The following SMAD4 variants were observed in gnomAD, a reference collection of about 807,000 sequenced individuals.
SMAD4 encodes the protein MAD homolog 4.
SMAD4 carries 7 observed loss-of-function variants against 63.2 expected under a neutral mutation model. The observed-to-expected ratio is 0.11, with a 90% CI of 0.06 to 0.21. SMAD4 has a LOEUF of 0.21. Ranked by LOEUF, SMAD4 falls within the 10% of genes least tolerant of loss-of-function variation. The pLI is 1.00. For missense variants in SMAD4, 312 were observed against 693.8 expected, an observed-to-expected ratio of 0.45 and a Z score of 6.18; for synonymous variants, 215 against 235.4, an observed-to-expected ratio of 0.91 and a Z score of 0.79.
intron 2 of SMAD4, among the ~76,000 whole-genome samples, chr18:51,048,036 G>C (rs1909598348): frequency 6.6e-6 from 1 of 152,186 alleles, no homozygotes; most frequent in Non-Finnish European, 1.5e-5. Context: ...TTTTCAGGTA[G>C]AACTTCATAA....
Position 51,078,506 on chromosome 18 carries a change from G to T in SMAD4, c.*39G>T. 1 of 1,331,566 alleles carries T rather than the reference G, an allele frequency of 7.5e-7. No homozygotes were observed. The highest frequency in any genetic ancestry group is 1.1e-6 in the Non-Finnish European group (1 of 928,078). 82.5% of individuals were successfully genotyped at this position (1,331,566 alleles called of 1,614,324 possible). On this transcript the variant is annotated 3_prime_UTR_variant, in exon 12 of 12. Transcript: ENST00000342988. ...TGGGGCCCTTAACCTTATCAGGATGGTGGACTACAAAATACAATCCTGTTT... is the reference window on the plus strand; with the variant it reads ...TGGGGCCCTTAACCTTATCAGGATGTTGGACTACAAAATACAATCCTGTTT...
At position 51,083,882 on chromosome 18, in the gene SMAD4, G is replaced by T. The variant is rs1369807579; in HGVS notation, c.*5415G>T. 1 of 231,320 alleles carries T rather than the reference G, an allele frequency of 4.3e-6. No homozygotes were observed. The highest frequency in any genetic ancestry group is 8.6e-6 in the Non-Finnish European group (1 of 116,878). 14.3% of individuals were successfully genotyped at this position (231,320 alleles called of 1,614,324 possible). ...ATGTTATTCAAAGGAGACTAGGCTT[G>T]ATATTTTATTACTGTTCTTTTATGG... On this transcript the variant is annotated 3_prime_UTR_variant, in exon 12 of 12. Transcript: ENST00000342988.
chr18:51,076,592 A>C (rs1316323411), intron 10 of SMAD4, 46 bp from the exon 11 acceptor site: 4 of 1,587,896 alleles, frequency 2.5e-6, no homozygotes, highest in African/African-American at 1.3e-5. Flanking sequence ...TAATGTATGG[A>C]ATTTTTCTTT....
intron 3 of SMAD4, 85 bp downstream of exon 3, chr18:51,048,945 A>G: frequency 8.2e-7 from 1 of 1,213,700 alleles, no homozygotes; most frequent in Non-Finnish European, 1.2e-6. Context: ...TAAATTATAA[A>G]TTTGGAAGAT....
chr18:51,045,357 A>C (rs1909511717), intron 1 of SMAD4, among the ~76,000 whole-genome samples: 1 of 152,192 alleles, frequency 6.6e-6, no homozygotes, highest in African/African-American at 2.4e-5. Flanking sequence ...AAGCAAGATA[A>C]GTCTGGAATG....
Position 51,054,900 on chromosome 18 carries a change from A to T in SMAD4, c.574A>T (p.Thr192Ser), listed in dbSNP as rs1599186944. ...IQHPPSNRASTETYSTPALLA... is the reference protein window; with the variant it reads ...IQHPPSNRASSETYSTPALLA... The stretch of plus-strand genomic sequence containing the variant: ...GCATCCACCAAGTAATCGTGCATCG[A>T]CAGAGACATACAGCACCCCAGCTCT... Residue 192 changes from threonine to serine, a missense_variant, in exon 5 of 12, where the codon ACA becomes TCA. Thr to Ser is a moderately conservative substitution (Grantham distance 58, BLOSUM62 1). This residue lies in a region of SMAD4 where 169 missense variants were observed against 211.0 expected (regional missense o/e 0.80). Coordinates refer to ENST00000342988, the MANE Select transcript of SMAD4 (RefSeq NM_005359.6). 6.2e-7 allele frequency: 1 copy of T among 1,614,136 alleles called. No individual in the cohort carries two copies. The highest frequency in any genetic ancestry group is 8.5e-7 in the Non-Finnish European group (1 of 1,179,984).
intron 8 of SMAD4, among the ~76,000 whole-genome samples, chr18:51,062,174 C>T (rs1028200368): frequency 6.6e-5 from 10 of 152,118 alleles, no homozygotes; most frequent in East Asian, 1.9e-4. Flanking sequence ...TCTTCTGTAA[C>T]GGATTTTCTG....
chr18:51,041,340 C>G (rs988220628), intron 1 of SMAD4, among the ~76,000 whole-genome samples: 6 of 152,184 alleles, frequency 3.9e-5, no homozygotes, highest in African/African-American at 1.4e-4. Context: ...TACCAATATT[C>G]TGATGGCTGT....
At chr18:51,033,045 C>T (rs190902608) in intron 1 of SMAD4, among the ~76,000 whole-genome samples, 33 of 152,000 alleles carry the variant, frequency 2.2e-4, no homozygotes, top group Admixed American at 2.0e-3. Context: ...TGTGTGGTTA[C>T]GCCCCAAAAT....
intron 8 of SMAD4, among the ~76,000 whole-genome samples, chr18:51,064,904 C>G (rs1047243789): frequency 6.6e-6 from 1 of 152,132 alleles, no homozygotes; most frequent in Non-Finnish European, 1.5e-5. Context: ...TGCACTTTCT[C>G]TCAATTAGGG....
At chr18:51,036,202 G>C (rs1187295939) in intron 1 of SMAD4, among the ~76,000 whole-genome samples, 1 of 152,044 alleles carries the variant, frequency 6.6e-6, no homozygotes, top group Non-Finnish European at 1.5e-5. Flanking sequence ...GCCCAGGCTA[G>C]CCAAATCTTA....
chr18:51,054,516 G>C, intron 4 of SMAD4: 1 of 442,058 alleles, frequency 2.3e-6, no homozygotes, highest in South Asian at 2.4e-5. Flanking sequence ...TAGGATTGTT[G>C]CTGGAGGCTG....
intron 10 of SMAD4, among the ~76,000 whole-genome samples, chr18:51,068,068 TG>T (rs1910212178): frequency 6.6e-6 from 1 of 152,220 alleles, no homozygotes; most frequent in African/African-American, 2.4e-5. Flanking sequence ...GAATTAACTG[TG>T]TCTCATAACT....
In SMAD4 at chr18:51,076,792, A is replaced by G. The variant is rs776280713; in HGVS notation, c.1447+16A>G. 15 of 1,584,520 alleles carry G rather than the reference A, an allele frequency of 9.5e-6. No homozygotes were observed. The South Asian group carries it at 1.7e-4, about 18-fold the overall frequency. On this transcript the variant is annotated intron_variant, in intron 11 of 11. Coordinates refer to ENST00000342988, the MANE Select transcript of SMAD4 (RefSeq NM_005359.6). ...CCAGCTATCAGTAAGTATGCTTTTCATTCTTTTTTAAAGGTATAATAGTTG... is the reference window on the plus strand; with the variant it reads ...CCAGCTATCAGTAAGTATGCTTTTCGTTCTTTTTTAAAGGTATAATAGTTG...
chr18:51,047,614 T>C (rs1909584521), intron 2 of SMAD4, among the ~76,000 whole-genome samples: 1 of 151,890 alleles, frequency 6.6e-6, no homozygotes, highest in African/African-American at 2.4e-5. Flanking sequence ...TGTTTTCTTT[T>C]TTTTTTTTTT....
rs886053915 is a variant in SMAD4 at position 51,082,310 on chromosome 18, G to A, written c.*3843G>A. ...CTTTTGCAAAGACTACAGAGAATAG[G>A]CTATGACAATCTTGTTCAAGCCTTT... is the stretch of plus-strand genomic sequence containing the variant. On this transcript the variant is annotated 3_prime_UTR_variant, in exon 12 of 12. Coordinates refer to ENST00000342988, the MANE Select transcript of SMAD4 (RefSeq NM_005359.6). 8 of 228,148 alleles carry A rather than the reference G, an allele frequency of 3.5e-5. No individual in the cohort carries two copies. The highest frequency in any genetic ancestry group is 5.2e-5 in the Non-Finnish European group (6 of 115,044). 14.1% of individuals were successfully genotyped at this position (228,148 alleles called of 1,614,324 possible). A position where few individuals can be genotyped will look rare whatever the true frequency, so the allele number is the denominator to read the frequency against.
intron 5 of SMAD4, among the ~76,000 whole-genome samples, chr18:51,057,531 A>G (rs909519634): frequency 2.0e-5 from 3 of 152,184 alleles, no homozygotes; most frequent in African/African-American, 7.2e-5. Flanking sequence ...AAGTAGACTG[A>G]TAGTTTTTTT....
Position 51,082,266 on chromosome 18 carries a change from C to G in SMAD4, c.*3799C>G, listed in dbSNP as rs1251560720. On this transcript the variant is annotated 3_prime_UTR_variant, in exon 12 of 12. Transcript: ENST00000342988. The stretch of plus-strand genomic sequence containing the variant: ...AATCCATCTTGTTGCAGATAGCTAT[C>G]TAAATAATCTCATATCCTCTTTTGC... The G allele has an allele frequency of 4.4e-6, 1 of 229,140 alleles. No homozygotes were observed. The highest frequency in any genetic ancestry group is 8.6e-6 in the Non-Finnish European group (1 of 115,674). The allele number at this position is 229,140 out of a possible 1,614,324, so 14.2% of individuals were successfully genotyped here.
At chr18:51,065,902 A>G (rs1290356416) in intron 9 of SMAD4, among the ~76,000 whole-genome samples, 1 of 152,192 alleles carries the variant, frequency 6.6e-6, no homozygotes, top group African/African-American at 2.4e-5. Context: ...GTGATCATAC[A>G]TTTCTACAAA....
Sources: gnomAD v4.1 joint callset for allele counts (sites outside exome capture counted in the v4.1 genomes callset) on GRCh38, gnomAD v4.1.1 for gene constraint, gnomAD v4.1.1 regional missense constraint, MANE v1.5 for transcripts, NCBI Gene and HGNC (gene_info 2026-07-23, HGNC 2026-07-21) for gene names.